TMTC1: variants seen among roughly 807,000 people sequenced by gnomAD.
TMTC1 encodes the protein protein O-mannosyl-transferase TMTC1.
Under a neutral mutation model 104.8 loss-of-function variants are expected in TMTC1, and 73 were observed. The observed-to-expected ratio is 0.70, with a 90% CI of 0.58 to 0.85. The LOEUF is 0.85. TMTC1 is among the 40% of genes least tolerant of loss of function. TMTC1 has a pLI of 0.00. For synonymous variants in TMTC1, 434 were observed against 428.7 expected, an observed-to-expected ratio of 1.01 and a Z score of -0.15; for missense variants, 1,035 against 1,096.1, an observed-to-expected ratio of 0.94 and a Z score of 0.79.
At position 29,505,736 on chromosome 12, in the gene TMTC1, T is replaced by C. The variant is rs1943681688; in HGVS notation, c.*1110A>G. The C allele has an allele frequency of 1.3e-5, 2 of 152,006 alleles. No homozygotes were observed. Among genetic ancestry groups the C allele is most frequent in the South Asian group, 4.1e-4 (2 of 4,832 alleles). The allele number at this position is 152,006 out of a possible 1,614,324, so 9.4% of individuals were successfully genotyped here. ...TTGAATTTAGATCTTTACCCTAGAT[T>C]TTTAGAGCATTCTCCATAATATTCT... is the stretch of plus-strand genomic sequence containing the variant. On this transcript the variant is annotated 3_prime_UTR_variant, in exon 18 of 18. Transcript: ENST00000539277.
At position 29,690,100 on chromosome 12, in the gene TMTC1, T is replaced by C. The variant is rs539964379; in HGVS notation, c.939-56764A>G. Among the ~76,000 whole-genome samples the C allele has an allele frequency of 4.6e-5, 7 of 152,308 alleles. No homozygotes were observed. In the South Asian group the frequency reaches 1.0e-3, roughly 23 times the overall value. The stretch of plus-strand genomic sequence containing the variant: ...TACCTTTTGAAACCAATCCCTGCTA[T>C]AATATAATTTGCAAAAGTAACTACA... On this transcript the variant is annotated intron_variant, in intron 5 of 17. Transcript: ENST00000539277.
At chr12:29,613,996 G>GGGGGC in intron 6 of TMTC1, 1 of 905,196 alleles carries the variant, frequency 1.1e-6, no homozygotes, top group Admixed American at 6.2e-5. Context: ...TAAGGAGAAA[G>GGGGGC]AACCATAAAA....
intron 6 of TMTC1, among the ~76,000 whole-genome samples, chr12:29,627,333 T>C (rs1193314645): frequency 6.6e-6 from 1 of 152,248 alleles, no homozygotes; most frequent in East Asian, 1.9e-4. Flanking sequence ...GATATAAGGA[T>C]GGCCAATAAA....
chr12:29,755,194 T>C (rs1191600514), intron 4 of TMTC1, among the ~76,000 whole-genome samples: 2 of 152,196 alleles, frequency 1.3e-5, no homozygotes, highest in Non-Finnish European at 2.9e-5. Context: ...TTAATTTGAA[T>C]ATGACGTGTA....
intron 5 of TMTC1, among the ~76,000 whole-genome samples, chr12:29,654,596 C>T (rs1241943038): frequency 6.6e-6 from 1 of 152,098 alleles, no homozygotes; most frequent in African/African-American, 2.4e-5. Flanking sequence ...AGCAATTCCA[C>T]TCCTAGGTAC....
chr12:29,655,954 G>A (rs1339920638), intron 5 of TMTC1, among the ~76,000 whole-genome samples: 1 of 152,068 alleles, frequency 6.6e-6, no homozygotes, highest in East Asian at 1.9e-4. Context: ...AAATGCAACT[G>A]AAAGATGCGC....
At chr12:29,643,968 C>A (rs1330150994) in intron 5 of TMTC1, among the ~76,000 whole-genome samples, 3 of 94,252 alleles carry the variant, frequency 3.2e-5, no homozygotes, top group African/African-American at 4.3e-5. Flanking sequence ...TATATACTTA[C>A]ATATAAATAT....
In TMTC1 at chr12:29,501,520, A is replaced by G. The variant is rs1191380209; in HGVS notation, c.*5326T>C. On this transcript the variant is annotated 3_prime_UTR_variant, in exon 18 of 18. Coordinates refer to ENST00000539277, the MANE Select transcript of TMTC1 (RefSeq NM_001193451.2). The stretch of plus-strand genomic sequence containing the variant: ...AGAGCTAGAACTAGAACTAGAACTC[A>G]GATGTCTTGATTCTTGGGGTAGTGT... 1 of 152,176 alleles carries G rather than the reference A, an allele frequency of 6.6e-6. No individual in the cohort carries two copies. The highest frequency in any genetic ancestry group is 2.4e-5 in the African/African-American group (1 of 41,444). 9.4% of individuals were successfully genotyped at this position (152,176 alleles called of 1,614,324 possible). A position where few individuals can be genotyped will look rare whatever the true frequency, so the allele number is the denominator to read the frequency against.
intron 5 of TMTC1, among the ~76,000 whole-genome samples, chr12:29,701,480 T>G (rs986278925): frequency 6.6e-5 from 10 of 152,204 alleles, no homozygotes; most frequent in Non-Finnish European, 1.5e-4. Context: ...TAGAACTCCA[T>G]GCACTGCAGT....
At position 29,641,690 on chromosome 12, in the gene TMTC1, A is replaced by AC. The variant is rs200076529; in HGVS notation, c.939-8355dup. Among the ~76,000 whole-genome samples, 72 of 151,912 alleles carry AC rather than the reference A, an allele frequency of 4.7e-4. No homozygotes were observed. In the South Asian group the frequency reaches 4.8e-3, roughly 10 times the overall value. On this transcript the variant is annotated intron_variant, in intron 5 of 17. Coordinates refer to ENST00000539277, the MANE Select transcript of TMTC1 (RefSeq NM_001193451.2). Reference sequence around the variant, plus strand: ...ATATGACAAAACAAGGCTCTTCAATACCCCCCCAAAAAAATCACACTAGTT... The same window carrying AC: ...ATATGACAAAACAAGGCTCTTCAATACCCCCCCCAAAAAAATCACACTAGTT...
intron 1 of TMTC1, among the ~76,000 whole-genome samples, chr12:29,776,639 T>C (rs1013112816): frequency 1.3e-5 from 2 of 152,204 alleles, no homozygotes; most frequent in African/African-American, 4.8e-5. Flanking sequence ...CCAGGCTTAG[T>C]TGTAGGTGCT....
At chr12:29,507,744 CTTT>C (rs1943731446) in intron 17 of TMTC1, among the ~76,000 whole-genome samples, 1 of 152,158 alleles carries the variant, frequency 6.6e-6, no homozygotes, top group Admixed American at 6.5e-5. Flanking sequence ...CAGCTATTAG[CTTT>C]TTTCAGCATT....
chr12:29,691,163 C>A (rs1052298548), intron 5 of TMTC1, among the ~76,000 whole-genome samples: 1 of 152,156 alleles, frequency 6.6e-6, no homozygotes, highest in African/African-American at 2.4e-5. Context: ...CTGAACCTCC[C>A]CAAATTGCTC....
intron 6 of TMTC1, among the ~76,000 whole-genome samples, chr12:29,612,479 A>G (rs2478469): frequency 0.23 from 35,033 of 152,016 alleles, 4,904 homozygotes; most frequent in East Asian, 0.37. Flanking sequence ...CAGTGGTGCA[A>G]TCTTGGCTCA....
chr12:29,524,817 A>G (rs1944289342), intron 11 of TMTC1, among the ~76,000 whole-genome samples: 1 of 152,222 alleles, frequency 6.6e-6, no homozygotes, highest in Admixed American at 6.5e-5. Flanking sequence ...CTGTCAATGT[A>G]TAATGCTGGC....
chr12:29,517,453 A>G lies in TMTC1; in HGVS notation c.2143T>C (p.Ser715Pro). The G allele has an allele frequency of 6.2e-7, 1 of 1,614,108 alleles. No homozygotes were observed. The highest frequency in any genetic ancestry group is 8.5e-7 in the Non-Finnish European group (1 of 1,180,028). ...AGTGCCAAGCGGAGCTCCCTCTGAG[A>G]AGGCTGAAGTGCTGCAGCTTCCTGG... ...IYQEAAALQP[S>P]QRELRLALAQ... Residue 715 changes from serine to proline, a missense_variant, in exon 14 of 18, where the codon TCT becomes CCT. By Grantham distance (74) the Ser-to-Pro change is moderately conservative. Coordinates refer to ENST00000539277, the MANE Select transcript of TMTC1 (RefSeq NM_001193451.2).
At chr12:29,742,988 C>T (rs1049997024) in intron 5 of TMTC1, among the ~76,000 whole-genome samples, 1 of 152,222 alleles carries the variant, frequency 6.6e-6, no homozygotes, top group African/African-American at 2.4e-5. Context: ...AATTCTTCCA[C>T]ATTGGCTTTC....
chr12:29,613,300 CAGTG>C (rs1946893824), intron 6 of TMTC1, among the ~76,000 whole-genome samples: 1 of 152,172 alleles, frequency 6.6e-6, no homozygotes, highest in Admixed American at 6.5e-5. Context: ...CCCATGACTT[CAGTG>C]GGAGGCTGTG....
At chr12:29,512,983 C>T (rs1180655698) in intron 16 of TMTC1, among the ~76,000 whole-genome samples, 1 of 152,152 alleles carries the variant, frequency 6.6e-6, no homozygotes, top group Non-Finnish European at 1.5e-5. Context: ...GTCCATTCTC[C>T]TCTACTTCAG....
Sources: gnomAD v4.1 joint callset for allele counts (sites outside exome capture counted in the v4.1 genomes callset) on GRCh38, gnomAD v4.1.1 for gene constraint, MANE v1.5 for transcripts, NCBI Gene and HGNC (gene_info 2026-07-23, HGNC 2026-07-21) for gene names.